CAMTA1: variants seen among roughly 807,000 people sequenced by gnomAD.
The protein encoded by CAMTA1 is calmodulin-binding transcription activator 1.
Under a neutral mutation model 170.9 loss-of-function variants are expected in CAMTA1, and 27 were observed. The observed-to-expected ratio is 0.16, with a 90% CI of 0.12 to 0.22. CAMTA1 has a LOEUF of 0.22. Ranked by LOEUF, CAMTA1 falls within the 10% of genes least tolerant of loss-of-function variation. CAMTA1 has a pLI of 1.00. For synonymous variants in CAMTA1, 833 were observed against 891.5 expected, an observed-to-expected ratio of 0.93 and a Z score of 1.17; for missense variants, 1,619 against 2,217.2, an observed-to-expected ratio of 0.73 and a Z score of 5.42.
At chr1:7,379,402 T>C (rs1241361410) in intron 5 of CAMTA1, among the ~76,000 whole-genome samples, 1 of 152,224 alleles carries the variant, frequency 6.6e-6, no homozygotes, top group Admixed American at 6.5e-5. Flanking sequence ...TCAAGTTATA[T>C]TTTTATTACA....
intron 3 of CAMTA1, among the ~76,000 whole-genome samples, chr1:6,923,163 C>G (rs1462344289): frequency 6.6e-6 from 1 of 152,140 alleles, no homozygotes; most frequent in Non-Finnish European, 1.5e-5. Flanking sequence ...AAGCAGCCTC[C>G]CACACTTGTG....
At chr1:6,839,401 C>G (rs1484233007) in intron 3 of CAMTA1, among the ~76,000 whole-genome samples, 1 of 151,880 alleles carries the variant, frequency 6.6e-6, no homozygotes, top group East Asian at 1.9e-4. Context: ...AAACAAAAAA[C>G]AAAAAACCCC....
chr1:6,989,871 G>C (rs566483460), intron 3 of CAMTA1, among the ~76,000 whole-genome samples: 4 of 152,248 alleles, frequency 2.6e-5, no homozygotes, highest in South Asian at 2.1e-4. Context: ...ACTGACCTTG[G>C]GGGGTGAGTC....
chr1:7,213,588 A>AT (rs1029912724), intron 4 of CAMTA1, among the ~76,000 whole-genome samples: 4 of 139,558 alleles, frequency 2.9e-5, no homozygotes, highest in Non-Finnish European at 4.6e-5. Flanking sequence ...CAGAGCAAAT[A>AT]TTTTTTTTCT....
At chr1:6,953,845 G>C (rs1268026994) in intron 3 of CAMTA1, among the ~76,000 whole-genome samples, 1 of 151,958 alleles carries the variant, frequency 6.6e-6, no homozygotes. Flanking sequence ...ATAAACAGCC[G>C]GTGATGGGGT....
At chr1:6,871,926 TG>T in intron 3 of CAMTA1, 1 of 1,336,428 alleles carries the variant, frequency 7.5e-7, no homozygotes, top group Non-Finnish European at 9.5e-7. Context: ...TGTAACACGC[TG>T]ATTTCCTCAA....
intron 4 of CAMTA1, among the ~76,000 whole-genome samples, chr1:7,225,098 T>G (rs1473210191): frequency 6.6e-6 from 1 of 152,048 alleles, no homozygotes; most frequent in Non-Finnish European, 1.5e-5. Flanking sequence ...TCTCTTTTTT[T>G]TTTTGAGATG....
intron 5 of CAMTA1, among the ~76,000 whole-genome samples, chr1:7,321,347 A>G (rs1228194166): frequency 2.0e-5 from 3 of 152,054 alleles, no homozygotes; most frequent in Admixed American, 2.0e-4. Flanking sequence ...TTGGGGTCCT[A>G]TTGCACCATT....
chr1:6,903,888 C>T (rs1677675395), intron 3 of CAMTA1, among the ~76,000 whole-genome samples: 1 of 152,160 alleles, frequency 6.6e-6, no homozygotes, highest in Admixed American at 6.5e-5. Context: ...ACATCGCAGA[C>T]CTTCTTTTTA....
At chr1:6,969,175 C>T (rs888027619) in intron 3 of CAMTA1, among the ~76,000 whole-genome samples, 4 of 152,100 alleles carry the variant, frequency 2.6e-5, no homozygotes, top group Non-Finnish European at 5.9e-5. Flanking sequence ...CCTTGTCTAC[C>T]GCAAAGGGCA....
chr1:7,742,250 C>T (rs1232252288), intron 16 of CAMTA1, among the ~76,000 whole-genome samples: 1 of 151,776 alleles, frequency 6.6e-6, no homozygotes, highest in African/African-American at 2.4e-5. Context: ...AATGTGGACC[C>T]ATAATCACAG....
intron 3 of CAMTA1, among the ~76,000 whole-genome samples, chr1:7,084,640 T>C (rs1322924481): frequency 6.6e-6 from 1 of 152,232 alleles, no homozygotes; most frequent in East Asian, 1.9e-4. Flanking sequence ...AACAGCTTCC[T>C]TCACATGTGG....
intron 5 of CAMTA1, among the ~76,000 whole-genome samples, chr1:7,345,932 G>C (rs2084187164): frequency 6.6e-6 from 1 of 152,218 alleles, no homozygotes; most frequent in African/African-American, 2.4e-5. Flanking sequence ...TGCTGAATCT[G>C]AGGAGGTGTT....
chr1:7,407,226 G>A (rs1366885896), intron 5 of CAMTA1, among the ~76,000 whole-genome samples: 1 of 152,218 alleles, frequency 6.6e-6, no homozygotes, highest in Non-Finnish European at 1.5e-5. Flanking sequence ...CGACTGGCAA[G>A]GTTACTAAAA....
rs189755817 is a variant in CAMTA1, at chr1:7,218,633, C to A, written c.303-30858C>A. The stretch of plus-strand genomic sequence containing the variant: ...ACTTCCTTCTAGTCCATATTCTGGT[C>A]TATCTGGATTCATTTTTGGTATTTT... On this transcript the variant is annotated intron_variant, in intron 4 of 22. Coordinates refer to ENST00000303635, the MANE Select transcript of CAMTA1 (RefSeq NM_015215.4). 1.2e-4 allele frequency among the ~76,000 whole-genome samples: 19 copies of A among 152,310 alleles called. No homozygotes were observed. In the East Asian group the frequency reaches 3.7e-3, roughly 29 times the overall value.
At chr1:7,024,285 G>C (rs574421565) in intron 3 of CAMTA1, among the ~76,000 whole-genome samples, 2 of 152,244 alleles carry the variant, frequency 1.3e-5, no homozygotes, top group African/African-American at 4.8e-5. Context: ...GGAATTGCAG[G>C]TGGAATAAAT....
intron 3 of CAMTA1, among the ~76,000 whole-genome samples, chr1:6,987,168 G>GTTT (rs34352811): frequency 6.9e-5 from 10 of 145,970 alleles, no homozygotes; most frequent in African/African-American, 2.5e-4. Context: ...AGACTGTTTT[G>GTTT]TTTTTTTTTT....
chr1:6,917,851 CGG>C (rs749028480), intron 3 of CAMTA1, among the ~76,000 whole-genome samples: 17 of 29,670 alleles, frequency 5.7e-4, no homozygotes, highest in African/African-American at 7.9e-4. Context: ...CCATCGGGGG[CGG>C]GGGGGGACAT....
At chr1:7,070,219 C>T (rs1299580238) in intron 3 of CAMTA1, among the ~76,000 whole-genome samples, 1 of 152,168 alleles carries the variant, frequency 6.6e-6, no homozygotes, top group Non-Finnish European at 1.5e-5. Flanking sequence ...CTCAAAAGGG[C>T]TTCATAGGCG....
Sources: gnomAD v4.1 joint callset for allele counts (sites outside exome capture counted in the v4.1 genomes callset) on GRCh38, gnomAD v4.1.1 for gene constraint, MANE v1.5 for transcripts, NCBI Gene and HGNC (gene_info 2026-07-23, HGNC 2026-07-21) for gene names.